The following TMEM132D variants were observed in gnomAD, a reference collection of about 807,000 sequenced individuals.
TMEM132D encodes mature OL transmembrane protein.
TMEM132D carries 21 observed loss-of-function variants against 62.3 expected under a neutral mutation model. That is an observed-to-expected ratio of 0.34 (90% CI 0.24 to 0.49). The LOEUF (loss-of-function observed/expected upper bound fraction) is 0.49. Among genes scored for constraint, TMEM132D ranks in the 20% least tolerant of loss-of-function variants. The probability of loss-of-function intolerance (pLI) is 0.99; values close to 1 mark genes in which losing one functional copy is unlikely to be tolerated. For synonymous variants in TMEM132D, 621 were observed against 575.6 expected, an observed-to-expected ratio of 1.08 and a Z score of -1.13; for missense variants, 1,346 against 1,402.8, an observed-to-expected ratio of 0.96 and a Z score of 0.65.
intron 2 of TMEM132D, among the ~76,000 whole-genome samples, chr12:129,662,576 C>G (rs1324796595): frequency 6.6e-6 from 1 of 152,088 alleles, no homozygotes; most frequent in Admixed American, 6.6e-5. Context: ...AGGCGGATCA[C>G]GAGGTCAAGA....
chr12:129,095,797 A>C (rs55762777), intron 5 of TMEM132D, among the ~76,000 whole-genome samples: 7,587 of 152,248 alleles, frequency 0.05, 651 homozygotes, highest in African/African-American at 0.17. Flanking sequence ...GCACACACCT[A>C]ATCTCTGACT....
chr12:129,613,212 G>A (rs1049849579), intron 2 of TMEM132D, among the ~76,000 whole-genome samples: 8 of 151,992 alleles, frequency 5.3e-5, no homozygotes, highest in Admixed American at 5.3e-4. Flanking sequence ...CACTGCCTTG[G>A]TTTAGGTTTT....
intron 1 of TMEM132D, among the ~76,000 whole-genome samples, chr12:129,871,474 C>T (rs942893123): frequency 2.0e-5 from 3 of 152,188 alleles, no homozygotes; most frequent in South Asian, 2.1e-4. Flanking sequence ...AAAAAGGCAA[C>T]GAATCCCCCT....
chr12:129,684,238 G>A (rs1218191288), intron 2 of TMEM132D, among the ~76,000 whole-genome samples: 1 of 152,166 alleles, frequency 6.6e-6, no homozygotes, highest in East Asian at 1.9e-4. Context: ...GAAAGATCCA[G>A]TGGGAGATAA....
At chr12:129,359,328 GT>G (rs1268227916) in intron 3 of TMEM132D, among the ~76,000 whole-genome samples, 2 of 152,176 alleles carry the variant, frequency 1.3e-5, no homozygotes, top group Non-Finnish European at 2.9e-5. Context: ...AAATGTTTCG[GT>G]GGTGATGGTG....
chr12:129,486,765 C>A (rs1290346667), intron 3 of TMEM132D, among the ~76,000 whole-genome samples: 1 of 152,124 alleles, frequency 6.6e-6, no homozygotes, highest in African/African-American at 2.4e-5. Context: ...GCTTCCTTCC[C>A]TCCCTCCCTT....
intron 5 of TMEM132D, among the ~76,000 whole-genome samples, chr12:129,144,686 CATCT>C (rs57315485): frequency 0.29 from 43,224 of 151,302 alleles, 6,421 homozygotes; most frequent in Middle Eastern, 0.37. Context: ...GCTTATCTAT[CATCT>C]ATCTATCTAT....
At chr12:129,623,980 ACT>A (rs1429360498) in intron 2 of TMEM132D, among the ~76,000 whole-genome samples, 1 of 152,022 alleles carries the variant, frequency 6.6e-6, no homozygotes, top group Non-Finnish European at 1.5e-5. Context: ...CTTTTGTATA[ACT>A]CTCCATCTTA....
chr12:129,423,914 C>T (rs1872400333), intron 3 of TMEM132D, among the ~76,000 whole-genome samples: 1 of 152,136 alleles, frequency 6.6e-6, no homozygotes, highest in Non-Finnish European at 1.5e-5. Flanking sequence ...TAAATTCCTT[C>T]AGTTCGTAAC....
At chr12:129,540,091 C>T (rs887633926) in intron 2 of TMEM132D, among the ~76,000 whole-genome samples, 1 of 151,802 alleles carries the variant, frequency 6.6e-6, no homozygotes, top group Admixed American at 6.6e-5. Context: ...ATTGCCAGCA[C>T]AGACAGATGT....
intron 4 of TMEM132D, among the ~76,000 whole-genome samples, chr12:129,313,251 A>C (rs1882025464): frequency 6.6e-6 from 1 of 152,048 alleles, no homozygotes; most frequent in South Asian, 2.1e-4. Context: ...GATTTGTGAG[A>C]TTTTGGTGCA....
intron 4 of TMEM132D, among the ~76,000 whole-genome samples, chr12:129,268,658 C>A (rs556435472): frequency 1.3e-5 from 2 of 152,200 alleles, no homozygotes; most frequent in African/African-American, 4.8e-5. Context: ...CCCAGACATC[C>A]CATTACTGGG....
chr12:129,174,859 G>A (rs145855437), intron 5 of TMEM132D, among the ~76,000 whole-genome samples: 127 of 152,222 alleles, frequency 8.3e-4, no homozygotes, highest in Admixed American at 1.6e-3. Flanking sequence ...TAGGTCTGTC[G>A]GCTGCATACA....
chr12:129,559,548 C>G (rs879524403), intron 2 of TMEM132D, among the ~76,000 whole-genome samples: 2 of 152,126 alleles, frequency 1.3e-5, no homozygotes, highest in African/African-American at 2.4e-5. Context: ...TAATATTTTA[C>G]GTGTGTGAGA....
At position 129,106,622 on chromosome 12, in the gene TMEM132D, A is replaced by G. The variant is rs117581975; in HGVS notation, c.1444-21920T>C. ...TTTGTGGGCTTGGGAGAAGGTTGAG[A>G]ATGACCAGGCACAGATCTCCTCCCA... On this transcript the variant is annotated intron_variant, in intron 5 of 8. Coordinates refer to ENST00000422113, the MANE Select transcript of TMEM132D (RefSeq NM_133448.3). Among the ~76,000 whole-genome samples the G allele has an allele frequency of 9.8e-3, 1,491 of 152,246 alleles. 43 individuals are homozygous for G. Among genetic ancestry groups the G allele is most frequent in the East Asian group, 0.046 (237 of 5,166 alleles).
rs946944468 is a variant in TMEM132D at position 129,836,521 on chromosome 12, CGT to C, written c.79+66738_79+66739del. Among the ~76,000 whole-genome samples, 153 of 150,368 alleles carry C rather than the reference CGT, an allele frequency of 1.0e-3. 1 individual carries two copies. Among genetic ancestry groups the C allele is most frequent in the African/African-American group, 3.5e-3 (144 of 41,184 alleles). On this transcript the variant is annotated intron_variant, in intron 1 of 8. Transcript: ENST00000422113. ...GTGTGTGTGTGTGTGTGTGTGCGCGCGTGTGTGTGTGTACCCCGAATACTGAG... is the reference window on the plus strand; with the variant it reads ...GTGTGTGTGTGTGTGTGTGTGCGCGCGTGTGTGTGTACCCCGAATACTGAG...
chr12:129,780,160 G>A (rs1055729984), intron 1 of TMEM132D, among the ~76,000 whole-genome samples: 20 of 152,046 alleles, frequency 1.3e-4, no homozygotes, highest in African/African-American at 4.6e-4. Context: ...CCCGAGCACC[G>A]GTCGCTTTTC....
chr12:129,606,803 C>T (rs1482886490), intron 2 of TMEM132D, among the ~76,000 whole-genome samples: 1 of 152,156 alleles, frequency 6.6e-6, no homozygotes, highest in Non-Finnish European at 1.5e-5. Flanking sequence ...TCTTAAACAT[C>T]TGAGTATATT....
At chr12:129,312,547 G>A (rs1204437598) in intron 4 of TMEM132D, among the ~76,000 whole-genome samples, 3 of 152,132 alleles carry the variant, frequency 2.0e-5, no homozygotes, top group African/African-American at 4.8e-5. Context: ...GAATTTTTTA[G>A]AATAGTTTTT....
Sources: allele counts gnomAD v4.1 joint callset (sites outside exome capture counted in the v4.1 genomes callset), GRCh38; gene constraint gnomAD v4.1.1; transcripts MANE v1.5; gene names NCBI Gene and HGNC (gene_info 2026-07-23, HGNC 2026-07-21).